Variants in CHD1L observed in about 807,000 individuals in gnomAD.
CHD1L encodes the protein ATP-dependent chromatin remodeler CHD1L.
A neutral mutation model predicts 115.9 loss-of-function variants in CHD1L; 118 were observed. The observed-to-expected ratio is 1.02, with a 90% CI of 0.88 to 1.19. CHD1L has a LOEUF of 1.19. Ranked by LOEUF, CHD1L falls within the 50% of genes most tolerant of loss-of-function variation. The pLI, the probability that CHD1L is intolerant of heterozygous loss-of-function variation, is 0.00. For missense variants in CHD1L, 1,179 were observed against 1,065.3 expected, an observed-to-expected ratio of 1.11 and a Z score of -1.49; for synonymous variants, 411 against 387.1, an observed-to-expected ratio of 1.06 and a Z score of -0.72.
the CHD1L span, among the ~76,000 whole-genome samples, chr1:147,177,504 C>A: frequency 2.6e-5 from 4 of 152,188 alleles, no homozygotes; most frequent in East Asian, 1.9e-4. Context: ...AAATGTTTTT[C>A]AAAGAGCGCA....
the CHD1L span, among the ~76,000 whole-genome samples, chr1:147,179,965 A>T: frequency 2.1e-5 from 3 of 140,598 alleles, no homozygotes; most frequent in Non-Finnish European, 4.6e-5. Flanking sequence ...AAAAAAAAAA[A>T]TAGGAATGCG....
At chr1:147,199,209 G>C in the CHD1L span, among the ~76,000 whole-genome samples, 1,451 of 151,898 alleles carry the variant, frequency 9.6e-3, 23 homozygotes, top group African/African-American at 0.033. Flanking sequence ...AAGGAAGGAG[G>C]CAGGCTTTGT....
intron 7 of CHD1L, among the ~76,000 whole-genome samples, chr1:147,265,204 T>C (rs1673425151): frequency 6.6e-6 from 1 of 152,162 alleles, no homozygotes; most frequent in African/African-American, 2.4e-5. Context: ...TTGAGGGGGC[T>C]TCTCATAGCA....
At chr1:147,240,389 C>T (rs1177530782), upstream of CHD1L, among the ~76,000 whole-genome samples, 9 of 152,334 alleles carry the variant, frequency 5.9e-5, no homozygotes, top group African/African-American at 2.2e-4. Context: ...CAATACACTG[C>T]GGAAGGCCGC....
At chr1:147,239,221 A>G (rs1664689973), upstream of CHD1L, among the ~76,000 whole-genome samples, 1 of 152,186 alleles carries the variant, frequency 6.6e-6, no homozygotes. Flanking sequence ...CAAAGTATAA[A>G]AGAAAATCTA....
At chr1:147,238,313 G>A (rs1040770408), upstream of CHD1L, among the ~76,000 whole-genome samples, 7 of 152,130 alleles carry the variant, frequency 4.6e-5, no homozygotes, top group African/African-American at 9.7e-5. Flanking sequence ...TCCAATTTCC[G>A]TATCTGACTC....
Position 147,242,748 on chromosome 1 carries a change from C to G in CHD1L, c.45C>G (p.Gly15=). 7.9e-7 allele frequency: 1 copy of G among 1,264,408 alleles called. No homozygotes were observed. The highest frequency in any genetic ancestry group is 3.9e-5 in the South Asian group (1 of 25,856). The allele number at this position is 1,264,408 out of a possible 1,614,324, so 78.3% of individuals were successfully genotyped here. Residue 15 remains glycine (G), a synonymous_variant, in exon 1 of 23, where the codon GGC becomes GGG. Transcript: ENST00000369258. ...GATSRGGQAP[G]FLLRLHTEGR... is the part of the protein sequence containing the mutation. ...CTAGCCGCGGGGGCCAAGCCCCTGG[C>G]TTCTTACTGCGGCTTCATACTGAGG... is the stretch of plus-strand genomic sequence containing the variant.
intron 4 of CHD1L, among the ~76,000 whole-genome samples, chr1:147,256,209 G>A (rs1245362951): frequency 6.6e-6 from 1 of 152,140 alleles, no homozygotes; most frequent in Non-Finnish European, 1.5e-5. Flanking sequence ...AGTCAGGCAG[G>A]CAGGCAGGGG....
chr1:147,175,160 C>G, the CHD1L span: 3 of 152,034 alleles, frequency 2.0e-5, no homozygotes, highest in African/African-American at 4.8e-5. Flanking sequence ...GTTACTGTTT[C>G]AAAAAACAAT....
intron 16 of CHD1L, 149 bp from the exon 17 acceptor site, chr1:147,285,175 T>A: frequency 1.2e-6 from 1 of 848,422 alleles, no homozygotes; most frequent in Non-Finnish European, 1.8e-6. Flanking sequence ...CCAAGTGCTT[T>A]GCCTCCAGTT....
chr1:147,228,265 T>G, the CHD1L span, among the ~76,000 whole-genome samples: 1 of 151,338 alleles, frequency 6.6e-6, no homozygotes, highest in Non-Finnish European at 1.5e-5. Context: ...CGGTGTTTGG[T>G]TTTTTGTCCT....
chr1:147,286,924 C>T (rs1683366986), intron 18 of CHD1L, among the ~76,000 whole-genome samples: 1 of 152,062 alleles, frequency 6.6e-6, no homozygotes, highest in Admixed American at 6.6e-5. Context: ...GTTCAAATGT[C>T]TGTTTCTCAG....
At chr1:147,219,593 C>G in the CHD1L span, among the ~76,000 whole-genome samples, 1 of 152,058 alleles carries the variant, frequency 6.6e-6, no homozygotes, top group Non-Finnish European at 1.5e-5. Context: ...TGTCCTCTCT[C>G]ACCACTCCTA....
In CHD1L at chr1:147,248,606, T is replaced by C. The variant is rs782602881; in HGVS notation, c.128-4017T>C. On this transcript the variant is annotated intron_variant, in intron 1 of 22. Coordinates refer to ENST00000369258, the MANE Select transcript of CHD1L (RefSeq NM_004284.6). ...TCTGCCATCTTATTTTTATTGTTTT[T>C]AGTTTATCTCTGTTTCTTTTTCTTG... 2.6e-5 allele frequency among the ~76,000 whole-genome samples: 4 copies of C among 152,338 alleles called. No homozygotes were observed. The South Asian group carries it at 6.2e-4, about 24-fold the overall frequency.
chr1:147,221,855 T>G, the CHD1L span, among the ~76,000 whole-genome samples: 1 of 152,224 alleles, frequency 6.6e-6, no homozygotes, highest in Admixed American at 6.5e-5. Flanking sequence ...AAACACCTGA[T>G]TGGAACTTAG....
intron 4 of CHD1L, among the ~76,000 whole-genome samples, 167 bp from the exon 5 acceptor site, chr1:147,256,358 CTTTGTT>C (rs879980968): frequency 4.6e-5 from 7 of 151,920 alleles, no homozygotes; most frequent in South Asian, 2.1e-4. Context: ...AGGCTTTTCT[CTTTGTT>C]TTTAAGATGG....
At chr1:147,179,202 A>G in the CHD1L span, 3 of 1,614,112 alleles carry the variant, frequency 1.9e-6, no homozygotes, top group African/African-American at 1.3e-5. Flanking sequence ...ATCTGAAGAG[A>G]TACCTGAAGT....
chr1:147,237,499 G>T, the CHD1L span, among the ~76,000 whole-genome samples: 1 of 152,092 alleles, frequency 6.6e-6, no homozygotes. Context: ...GCTGCAGCTG[G>T]GCAGCCACAG....
intron 8 of CHD1L, among the ~76,000 whole-genome samples, 163 bp from the exon 9 acceptor site, chr1:147,267,263 G>C (rs1553949081): frequency 6.6e-6 from 1 of 152,170 alleles, no homozygotes; most frequent in Admixed American, 6.5e-5. Context: ...ATGTGAACAT[G>C]CTGTTAATTC....
Sources: gnomAD v4.1 joint callset for allele counts (sites outside exome capture counted in the v4.1 genomes callset) on GRCh38, gnomAD v4.1.1 for gene constraint, MANE v1.5 for transcripts, NCBI Gene and HGNC (gene_info 2026-07-23, HGNC 2026-07-21) for gene names.